Variants in CTIF observed in about 807,000 individuals in gnomAD.
The protein encoded by CTIF is cap binding complex dependent translation initiation factor, also known as CBP80/20-dependent translation initiation factor.
In CTIF, 21 loss-of-function variants were observed where a neutral mutation model predicts 66.0. The observed-to-expected ratio is 0.32, with a 90% confidence interval of 0.23 to 0.46. CTIF has a LOEUF of 0.46. Ranked by LOEUF, CTIF falls within the 20% of genes least tolerant of loss-of-function variation. CTIF has a pLI of 1.00. For missense variants in CTIF, 739 were observed against 812.7 expected, an observed-to-expected ratio of 0.91 and a Z score of 1.10; for synonymous variants, 345 against 326.4, an observed-to-expected ratio of 1.06 and a Z score of -0.62.
intron 9 of CTIF, among the ~76,000 whole-genome samples, chr18:48,789,462 T>C (rs1263480540): frequency 2.6e-5 from 4 of 152,230 alleles, no homozygotes; most frequent in African/African-American, 4.8e-5. Flanking sequence ...AATTGGACTT[T>C]GCTTGGGATA....
intron 6 of CTIF, among the ~76,000 whole-genome samples, chr18:48,690,516 C>T (rs997229489): frequency 1.3e-5 from 2 of 152,178 alleles, no homozygotes; most frequent in African/African-American, 4.8e-5. Context: ...CCCTATCTTG[C>T]ACCCCATGTA....
chr18:48,587,931 A>C (rs893499966), intron 1 of CTIF, among the ~76,000 whole-genome samples: 1 of 152,174 alleles, frequency 6.6e-6, no homozygotes, highest in Non-Finnish European at 1.5e-5. Flanking sequence ...CATTTTACCA[A>C]AGGCATCTTG....
intron 5 of CTIF, among the ~76,000 whole-genome samples, chr18:48,669,793 T>TTATATATATA (rs57715945): frequency 5.7e-4 from 27 of 47,236 alleles, no homozygotes; most frequent in African/African-American, 9.3e-4. Flanking sequence ...AGCTAAACAT[T>TTATATATATA]TATATATATA....
chr18:48,785,308 A>G (rs1911608718), intron 9 of CTIF, among the ~76,000 whole-genome samples: 1 of 152,214 alleles, frequency 6.6e-6, no homozygotes, highest in South Asian at 2.1e-4. Context: ...CTAAGTGGCT[A>G]CAAAATTAGA....
At chr18:48,717,268 G>A (rs2092290463) in intron 7 of CTIF, among the ~76,000 whole-genome samples, 1 of 152,048 alleles carries the variant, frequency 6.6e-6, no homozygotes, top group Non-Finnish European at 1.5e-5. Flanking sequence ...GCGTGGTGGT[G>A]CAGCCTATAA....
At chr18:48,658,475 A>G (rs1489823085) in intron 3 of CTIF, among the ~76,000 whole-genome samples, 2 of 151,898 alleles carry the variant, frequency 1.3e-5, no homozygotes, top group Non-Finnish European at 2.9e-5. Context: ...TGTATATTGT[A>G]TAAGTGTGGT....
intron 6 of CTIF, among the ~76,000 whole-genome samples, chr18:48,699,972 C>G (rs1221832389): frequency 6.6e-6 from 1 of 152,226 alleles, no homozygotes; most frequent in Non-Finnish European, 1.5e-5. Context: ...CACACTGGCT[C>G]GGCAGATACT....
In CTIF at chr18:48,761,686, G is replaced by A. The variant is rs1909011905; in HGVS notation, c.1368G>A (p.Leu456=). 6.2e-7 allele frequency: 1 copy of A among 1,605,456 alleles called. No homozygotes were observed. The change falls in exon 9 of 12, where the codon CTG becomes CTA. Residue 456 remains leucine (L), a synonymous_variant. Coordinates refer to ENST00000256413, the MANE Select transcript of CTIF (RefSeq NM_014772.3). This position sits in a 1 kb window ranked among gnomAD's most constrained non-coding sequence, Gnocchi z 4.2. ...TKFRSLLLNM[L]QKDFTVREEL... ...TCCGGAGCCTGCTCCTCAACATGCT[G>A]CAGGTAACTGGACGCCGGCCACCAC... is the stretch of plus-strand genomic sequence containing the variant.
chr18:48,806,593 A>G (rs748582936), intron 9 of CTIF, among the ~76,000 whole-genome samples: 3 of 152,200 alleles, frequency 2.0e-5, no homozygotes, highest in Non-Finnish European at 4.4e-5. Context: ...AGTGTAAAAA[A>G]TATATGCATC....
intron 9 of CTIF, among the ~76,000 whole-genome samples, chr18:48,795,008 G>T (rs1044044361): frequency 2.0e-5 from 3 of 152,162 alleles, no homozygotes; most frequent in Non-Finnish European, 2.9e-5. Flanking sequence ...AGAGTCCTGT[G>T]TGAGGATTCA....
At chr18:48,555,139 AGGTGTGACCTGAGT>A (rs35389506) in intron 1 of CTIF, among the ~76,000 whole-genome samples, 6,173 of 152,268 alleles carry the variant, frequency 0.041, 430 homozygotes, top group African/African-American at 0.14. Context: ...ACGGTGTTCG[AGGTGTGACCTGAGT>A]GGTGCAGGAA....
chr18:48,687,316 AC>A, intron 6 of CTIF, among the ~76,000 whole-genome samples: 1 of 145,920 alleles, frequency 6.9e-6, no homozygotes, highest in Non-Finnish European at 1.5e-5. Context: ...ACACACACAC[AC>A]ACACACACAC....
intron 10 of CTIF, among the ~76,000 whole-genome samples, chr18:48,823,706 G>A (rs1265828167): frequency 6.6e-6 from 1 of 152,050 alleles, no homozygotes; most frequent in Non-Finnish European, 1.5e-5. Context: ...TTTTTAAAAT[G>A]CCCCTGGGAT....
At chr18:48,724,434 T>C (rs567212337) in intron 7 of CTIF, among the ~76,000 whole-genome samples, 22 of 152,198 alleles carry the variant, frequency 1.4e-4, no homozygotes, top group Non-Finnish European at 3.1e-4. Flanking sequence ...CTCGCTGTTC[T>C]TTGAACAGGC....
intron 9 of CTIF, among the ~76,000 whole-genome samples, chr18:48,778,468 C>T (rs1269041961): frequency 6.6e-6 from 1 of 152,164 alleles, no homozygotes; most frequent in African/African-American, 2.4e-5. Flanking sequence ...AGAAAAGGTC[C>T]CTGGTCTATC....
chr18:48,798,675 A>G (rs2067983911), intron 9 of CTIF, among the ~76,000 whole-genome samples: 1 of 152,142 alleles, frequency 6.6e-6, no homozygotes, highest in Admixed American at 6.5e-5. Flanking sequence ...TGCGCTCCCC[A>G]GTATTTCTCA....
In CTIF at chr18:48,803,094, C is replaced by A. The variant is rs563864538; in HGVS notation, c.1372-14127C>A. On this transcript the variant is annotated intron_variant, in intron 9 of 11. Transcript: ENST00000256413. ...GCAACCCAGCGCCATCCCCCCGCCTCCCTGTCCCCTCCTACGGATCAGCAG... is the reference window on the plus strand; with the variant it reads ...GCAACCCAGCGCCATCCCCCCGCCTACCTGTCCCCTCCTACGGATCAGCAG... 5.8e-4 allele frequency among the ~76,000 whole-genome samples: 88 copies of A among 152,372 alleles called. 1 individual carries two copies. Among genetic ancestry groups the A allele is most frequent in the Non-Finnish European group, 1.5e-4 (10 of 68,040 alleles).
At chr18:48,575,726 C>G (rs530681250) in intron 1 of CTIF, among the ~76,000 whole-genome samples, 1 of 152,262 alleles carries the variant, frequency 6.6e-6, no homozygotes, top group South Asian at 2.1e-4. Context: ...CTCCCTGCCC[C>G]GGATGCCTTT....
chr18:48,725,811 G>T (rs1370375299), intron 7 of CTIF, among the ~76,000 whole-genome samples: 2 of 152,106 alleles, frequency 1.3e-5, no homozygotes, highest in African/African-American at 4.8e-5. Context: ...TTTCAAGGCA[G>T]ATTTTTTTGC....
Sources: allele counts gnomAD v4.1 joint callset (sites outside exome capture counted in the v4.1 genomes callset), GRCh38; gene constraint gnomAD v4.1.1; non-coding constraint Gnocchi (gnomAD v3.1); transcripts MANE v1.5; gene names NCBI Gene and HGNC (gene_info 2026-07-23, HGNC 2026-07-21).